The following KREMEN1 variants were observed in gnomAD, a reference collection of about 807,000 sequenced individuals.
KREMEN1 encodes the protein kremen protein 1.
Under a neutral mutation model 46.5 loss-of-function variants are expected in KREMEN1, and 30 were observed. The ratio of observed to expected loss-of-function variants is 0.65; its 90% CI spans 0.48 to 0.88. The LOEUF is 0.88. KREMEN1 is among the 40% of genes least tolerant of loss of function. The pLI, the probability that KREMEN1 is intolerant of heterozygous loss-of-function variation, is 0.00. For synonymous variants in KREMEN1, 214 were observed against 230.6 expected, an observed-to-expected ratio of 0.93 and a Z score of 0.65; for missense variants, 533 against 596.9, an observed-to-expected ratio of 0.89 and a Z score of 1.11.
At position 29,143,720 on chromosome 22, in the gene KREMEN1, T is replaced by C. The variant is rs1263978000; in HGVS notation, c.*1608T>C. 1.5e-4 allele frequency: 140 copies of C among 965,510 alleles called. 1 individual carries two copies. Among genetic ancestry groups the C allele is most frequent in the Non-Finnish European group, 1.6e-4 (131 of 813,954 alleles). 59.8% of individuals were successfully genotyped at this position (965,510 alleles called of 1,614,324 possible). On this transcript the variant is annotated 3_prime_UTR_variant, in exon 9 of 9. Coordinates refer to ENST00000400335, the MANE Select transcript of KREMEN1 (RefSeq NM_001039570.3). ...TCACGCCACTGCACTCCAGCCTGGG[T>C]GACAGTGCAAGACTCTGTCTCAAAA...
At chr22:29,147,991 A>G (rs1209335630), downstream of KREMEN1, among the ~76,000 whole-genome samples, 1 of 152,226 alleles carries the variant, frequency 6.6e-6, no homozygotes, top group Admixed American at 6.5e-5. Context: ...CATCAAAGGT[A>G]GATGTTCCTT....
Position 29,125,299 on chromosome 22 carries a change from G to A in KREMEN1, c.514G>A (p.Gly172Arg). ...GGAGTCAGGCTATGCTTGCTTCTGT[G>A]GAAACAATCCTGATTACTGGAAGTA... ...GMESGYACFC[G>R]NNPDYWKYGE... The change falls in exon 5 of 9, where the codon GGA becomes AGA. Residue 172 changes from glycine to arginine, a missense_variant. Physicochemically the swap from Gly to Arg is moderately radical, Grantham distance 125. Transcript: ENST00000400335. 6.2e-7 allele frequency: 1 copy of A among 1,614,160 alleles called. No individual in the cohort carries two copies. Among genetic ancestry groups the A allele is most frequent in the Non-Finnish European group, 8.5e-7 (1 of 1,180,018 alleles).
Position 29,142,006 on chromosome 22 carries a change from A to G in KREMEN1, c.1271A>G (p.Glu424Gly), listed in dbSNP as rs985404863. 1.2e-6 allele frequency: 2 copies of G among 1,612,988 alleles called. No individual in the cohort carries two copies. Among genetic ancestry groups the G allele is most frequent in the African/African-American group, 1.3e-5 (1 of 74,846 alleles). The change falls in exon 9 of 9, where the codon GAA (glutamate) becomes GGA (glycine). Residue 424 changes from glutamate to glycine, a missense_variant. By Grantham distance (98) the Glu-to-Gly change is moderately conservative (BLOSUM62 -2). Transcript: ENST00000400335. The stretch of plus-strand genomic sequence containing the variant: ...TGTCATCAACCAGGGACTTCGGGGG[A>G]AATCTGGAGCATTTTTTACAAGCCT... The part of the protein sequence containing the change: ...RDCHQPGTSG[E>G]IWSIFYKPST...
chr22:29,157,820 C>A (rs920708566), intron 9 of KREMEN1, among the ~76,000 whole-genome samples: 1 of 152,200 alleles, frequency 6.6e-6, no homozygotes. Context: ...AGGGAGACTA[C>A]AAAGTAAGAA....
intron 3 of KREMEN1, among the ~76,000 whole-genome samples, chr22:29,099,970 A>G (rs1323936741): frequency 6.6e-6 from 1 of 152,198 alleles, no homozygotes; most frequent in Non-Finnish European, 1.5e-5. Flanking sequence ...AACAGACCAC[A>G]TATACAATGG....
intron 4 of KREMEN1, among the ~76,000 whole-genome samples, chr22:29,122,909 C>T (rs879229187): frequency 7.2e-6 from 1 of 139,758 alleles, no homozygotes; most frequent in African/African-American, 2.6e-5. Context: ...CCACTGCACT[C>T]CAGCCTGGGC....
chr22:29,140,386 G>T lies in KREMEN1; in HGVS notation c.1208+20G>T. On this transcript the variant is annotated intron_variant, in intron 8 of 8. Coordinates refer to ENST00000400335, the MANE Select transcript of KREMEN1 (RefSeq NM_001039570.3). ...ATTCAAGTGAGTACAAGAGGGAGCT[G>T]CCCAATTCCAGGAAAGGGAAGGCTC... 1 of 1,565,646 alleles carries T rather than the reference G, an allele frequency of 6.4e-7. No homozygotes were observed. The highest frequency in any genetic ancestry group is 8.8e-7 in the Non-Finnish European group (1 of 1,136,062).
At chr22:29,118,857 T>TG (rs977336777) in intron 3 of KREMEN1, among the ~76,000 whole-genome samples, 1 of 152,152 alleles carries the variant, frequency 6.6e-6, no homozygotes, top group Non-Finnish European at 1.5e-5. Flanking sequence ...AGACACCACC[T>TG]GGGGGTCCTA....
intron 9 of KREMEN1, among the ~76,000 whole-genome samples, chr22:29,158,394 A>C (rs2038982444): frequency 6.6e-6 from 1 of 152,132 alleles, no homozygotes; most frequent in African/African-American, 2.4e-5. Context: ...AGGATGTAAG[A>C]GGGCACTGGG....
intron 1 of KREMEN1, among the ~76,000 whole-genome samples, chr22:29,083,899 A>C (rs1447041919): frequency 6.6e-6 from 1 of 152,134 alleles, no homozygotes; most frequent in Non-Finnish European, 1.5e-5. Flanking sequence ...TAGAGAAGTA[A>C]ATCAACAAAA....
chr22:29,119,532 C>G (rs1239758622), intron 3 of KREMEN1, among the ~76,000 whole-genome samples: 1 of 152,164 alleles, frequency 6.6e-6, no homozygotes. Flanking sequence ...AGGAGCCTAC[C>G]AAGAGTTGCC....
chr22:29,128,448 T>C (rs912359117), intron 5 of KREMEN1, among the ~76,000 whole-genome samples: 1 of 152,186 alleles, frequency 6.6e-6, no homozygotes, highest in Non-Finnish European at 1.5e-5. Context: ...TACATTTTTA[T>C]TGGGCATCTG....
chr22:29,157,725 G>A (rs995871494), intron 9 of KREMEN1, among the ~76,000 whole-genome samples: 18 of 152,194 alleles, frequency 1.2e-4, no homozygotes, highest in African/African-American at 3.1e-4. Context: ...GCAAGGACCC[G>A]CCTTGGAAAA....
At chr22:29,162,378 T>G (rs1328026348) in intron 9 of KREMEN1, among the ~76,000 whole-genome samples, 2 of 151,384 alleles carry the variant, frequency 1.3e-5, no homozygotes, top group Admixed American at 1.3e-4. Flanking sequence ...ACAGCCAACA[T>G]CATACTGAAT....
chr22:29,121,359 C>A lies in KREMEN1; in HGVS notation c.355C>A (p.Pro119Thr), dbSNP rs1316057401. 21 of 1,613,300 alleles carry A rather than the reference C, an allele frequency of 1.3e-5. No individual in the cohort carries two copies. The highest frequency in any genetic ancestry group is 1.7e-5 in the Non-Finnish European group (20 of 1,179,758). Reference protein sequence around the residue: ...KYCEIPACQMPGNLGCYKDHG... With the variant: ...KYCEIPACQMTGNLGCYKDHG... Reference sequence around the variant, plus strand: ...TTTTGTTTTTCTTTTTTCTTTAGTGCCTGGAAACCTTGGCTGCTACAAGGA... The same window carrying A: ...TTTTGTTTTTCTTTTTTCTTTAGTGACTGGAAACCTTGGCTGCTACAAGGA... The change falls in exon 4 of 9, where the codon CCT becomes ACT. Residue 119 changes from proline (P) to threonine (T), a missense_variant and splice_region_variant. Pro to Thr is a conservative substitution (Grantham distance 38). Coordinates refer to ENST00000400335, the MANE Select transcript of KREMEN1 (RefSeq NM_001039570.3).
chr22:29,074,781 G>C (rs1480449158), intron 1 of KREMEN1, among the ~76,000 whole-genome samples: 1 of 152,208 alleles, frequency 6.6e-6, no homozygotes, highest in Non-Finnish European at 1.5e-5. Flanking sequence ...CACTTACTGG[G>C]TGACTTTGGG....
Position 29,152,726 on chromosome 22 carries a change from A to G in KREMEN1, c.1416+10626A>G, listed in dbSNP as rs145955023. On this transcript the variant is annotated intron_variant, in intron 9 of 9. Coordinates refer to the KREMEN1 transcript ENST00000327813. ...TTTCCTTTTTTTCCTCTCTCTAAAG[A>G]CAGGGTCTCACTCTGTCGCCCAGGC... Among the ~76,000 whole-genome samples, 559 of 151,952 alleles carry G rather than the reference A, an allele frequency of 3.7e-3. 9 individuals carry two copies. In the East Asian group the frequency reaches 0.043, roughly 12 times the overall value.
intron 3 of KREMEN1, among the ~76,000 whole-genome samples, chr22:29,105,149 C>T (rs999871436): frequency 1.3e-5 from 2 of 152,162 alleles, no homozygotes; most frequent in Non-Finnish European, 2.9e-5. Flanking sequence ...GGAGGGCCAT[C>T]TGTCTGGCAT....
chr22:29,164,776 C>T (rs1362274114), intron 9 of KREMEN1, among the ~76,000 whole-genome samples: 1 of 127,428 alleles, frequency 7.8e-6, no homozygotes, highest in African/African-American at 2.9e-5. Flanking sequence ...AAACCCAAAA[C>T]AAGGAACTAT....
Sources: gnomAD v4.1 joint callset for allele counts (sites outside exome capture counted in the v4.1 genomes callset) on GRCh38, gnomAD v4.1.1 for gene constraint, MANE v1.5 for transcripts, NCBI Gene and HGNC (gene_info 2026-07-23, HGNC 2026-07-21) for gene names.